ARHGAP28: variants seen among roughly 807,000 people sequenced by gnomAD.
The protein encoded by ARHGAP28 is rho GTPase-activating protein 28.
A neutral mutation model predicts 90.7 loss-of-function variants in ARHGAP28; 56 were observed. That is an observed-to-expected ratio of 0.62 (90% CI 0.50 to 0.77). ARHGAP28 has a LOEUF of 0.77. ARHGAP28 is among the 30% of genes least tolerant of loss of function. The probability of loss-of-function intolerance (pLI) is 0.00; values close to 1 mark genes in which losing one functional copy is unlikely to be tolerated. For synonymous variants in ARHGAP28, 308 were observed against 323.3 expected, an observed-to-expected ratio of 0.95 and a Z score of 0.51; for missense variants, 869 against 900.9, an observed-to-expected ratio of 0.96 and a Z score of 0.45.
intron 16 of ARHGAP28, among the ~76,000 whole-genome samples, chr18:6,905,031 TAGA>T (rs531854168): frequency 5.9e-5 from 9 of 151,816 alleles, no homozygotes; most frequent in South Asian, 4.2e-4. Context: ...TTCTAGAAAA[TAGA>T]AGAAGGAGGA....
intron 1 of ARHGAP28, among the ~76,000 whole-genome samples, chr18:6,758,297 G>C (rs147109911): frequency 6.6e-6 from 1 of 151,854 alleles, no homozygotes. Context: ...TTTTTGCTTC[G>C]GTTTAGGGCA....
chr18:6,842,225 T>C (rs75629878), intron 3 of ARHGAP28, among the ~76,000 whole-genome samples: 1,884 of 152,204 alleles, frequency 0.012, 39 homozygotes, highest in African/African-American at 0.043. Context: ...CGGTGGCACG[T>C]ACCTGCTGTC....
chr18:6,827,585 G>C (rs1362635541), intron 2 of ARHGAP28, among the ~76,000 whole-genome samples: 3 of 145,158 alleles, frequency 2.1e-5, no homozygotes, highest in Non-Finnish European at 4.6e-5. Flanking sequence ...CTGGCTGGGT[G>C]GGGGGCTGAC....
intron 1 of ARHGAP28, among the ~76,000 whole-genome samples, chr18:6,768,949 T>C (rs939463812): frequency 6.6e-5 from 10 of 152,178 alleles, no homozygotes; most frequent in African/African-American, 2.2e-4. Flanking sequence ...GTTTTTTATG[T>C]AGTTTATGCA....
At position 6,793,664 on chromosome 18, in the gene ARHGAP28, T is replaced by A. The variant is rs143224289; in HGVS notation, c.123-31098T>A. 5.8e-4 allele frequency among the ~76,000 whole-genome samples: 88 copies of A among 152,300 alleles called. 1 individual carries two copies. The East Asian group carries it at 0.017, about 29-fold the overall frequency. ...TAAAGTGCTTCTTGGCAGTGACGTT[T>A]AAAAGATTGTTGGTTACTCTCTGTG... On this transcript the variant is annotated intron_variant, in intron 1 of 17. Transcript: ENST00000383472.
chr18:6,825,160 C>T (rs571148978), intron 2 of ARHGAP28, among the ~76,000 whole-genome samples, 196 bp downstream of exon 2: 1 of 152,274 alleles, frequency 6.6e-6, no homozygotes, highest in East Asian at 1.9e-4. Context: ...TCCCAGGTGA[C>T]ATGACCCAAG....
chr18:6,752,960 T>TC (rs58794045), intron 1 of ARHGAP28, among the ~76,000 whole-genome samples: 4,826 of 151,906 alleles, frequency 0.032, 251 homozygotes, highest in African/African-American at 0.1. Context: ...CTTTTTTTTT[T>TC]CTGTTGTTGC....
At chr18:6,795,912 A>G (rs74952233) in intron 1 of ARHGAP28, among the ~76,000 whole-genome samples, 6,388 of 152,356 alleles carry the variant, frequency 0.042, 155 homozygotes, top group Non-Finnish European at 0.061. Context: ...CAGCCAGGTA[A>G]CATGTAGATC....
In ARHGAP28 at chr18:6,905,362, G is replaced by A. The variant is rs138885990; in HGVS notation, c.2031-3598G>A. Among the ~76,000 whole-genome samples, 212 of 151,976 alleles carry A rather than the reference G, an allele frequency of 1.4e-3. 1 individual carries two copies. Among genetic ancestry groups the A allele is most frequent in the African/African-American group, 4.9e-3 (203 of 41,488 alleles). ...AAAGCCTTTGACAAAATCCAACACC[G>A]AGTCATGATAAAAACTCTCAGAAAA... On this transcript the variant is annotated intron_variant, in intron 16 of 17. Coordinates refer to ENST00000383472, the MANE Select transcript of ARHGAP28 (RefSeq NM_001366230.1).
At chr18:6,848,097 C>G (rs1485486539) in intron 3 of ARHGAP28, among the ~76,000 whole-genome samples, 1 of 152,032 alleles carries the variant, frequency 6.6e-6, no homozygotes, top group Non-Finnish European at 1.5e-5. Flanking sequence ...CGCAGGTGTT[C>G]AGTATAAGTC....
chr18:6,886,006 A>G (rs1251090733), intron 11 of ARHGAP28, among the ~76,000 whole-genome samples: 1 of 147,608 alleles, frequency 6.8e-6, no homozygotes, highest in Non-Finnish European at 1.5e-5. Flanking sequence ...AATTTGATAC[A>G]AGTTATCCAC....
At chr18:6,907,614 A>G (rs2057371176) in intron 16 of ARHGAP28, among the ~76,000 whole-genome samples, 1 of 152,198 alleles carries the variant, frequency 6.6e-6, no homozygotes, top group South Asian at 2.1e-4. Flanking sequence ...ACAGAAATGT[A>G]GAATAGGGAA....
intron 7 of ARHGAP28, 108 bp downstream of exon 7, chr18:6,870,840 C>T (rs1474655396): frequency 3.2e-6 from 4 of 1,238,110 alleles, no homozygotes; most frequent in Middle Eastern, 6.1e-4. Context: ...CGCTCTATTG[C>T]CCCAGGCTGG....
At chr18:6,887,354 C>G in intron 12 of ARHGAP28, 115 bp downstream of exon 12, 1 of 857,438 alleles carries the variant, frequency 1.2e-6, no homozygotes, top group South Asian at 1.5e-5. Context: ...GAGCATGCTG[C>G]AAACACACGG....
chr18:6,880,883 A>G (rs1383254025), intron 10 of ARHGAP28, among the ~76,000 whole-genome samples: 3 of 152,238 alleles, frequency 2.0e-5, no homozygotes, highest in African/African-American at 7.2e-5. Flanking sequence ...AATGGATCTC[A>G]TGCATCCTCT....
chr18:6,833,410 T>C (rs1406427462), intron 2 of ARHGAP28, among the ~76,000 whole-genome samples: 1 of 152,074 alleles, frequency 6.6e-6, no homozygotes, highest in African/African-American at 2.4e-5. Flanking sequence ...TTATATTTAA[T>C]TGAAAAACGT....
chr18:6,786,184 G>A (rs73382741), intron 1 of ARHGAP28, among the ~76,000 whole-genome samples: 5,072 of 152,250 alleles, frequency 0.033, 276 homozygotes, highest in African/African-American at 0.12. Flanking sequence ...TTATTCATTT[G>A]TACAAGCTAA....
At position 6,840,465 on chromosome 18, in the gene ARHGAP28, G is replaced by A. The variant is rs1273456870; in HGVS notation, c.543+3051G>A. On this transcript the variant is annotated intron_variant, in intron 3 of 17. Transcript: ENST00000383472. ...CAGCAAGGTAAAGGGTATTTTTTGT[G>A]CACCTTCTTCTTTCATTTAGACCAC... 2.6e-5 allele frequency among the ~76,000 whole-genome samples: 4 copies of A among 152,154 alleles called. No individual in the cohort carries two copies. The East Asian group carries it at 5.8e-4, about 22-fold the overall frequency.
At chr18:6,839,583 C>T (rs568708867) in intron 3 of ARHGAP28, among the ~76,000 whole-genome samples, 2 of 152,170 alleles carry the variant, frequency 1.3e-5, no homozygotes, top group African/African-American at 2.4e-5. Context: ...AGGCGTGAGC[C>T]ACTGCGCCCG....
Sources: allele counts gnomAD v4.1 joint callset (sites outside exome capture counted in the v4.1 genomes callset), GRCh38; gene constraint gnomAD v4.1.1; transcripts MANE v1.5; gene names NCBI Gene and HGNC (gene_info 2026-07-23, HGNC 2026-07-21).